DOK5: variants seen among roughly 807,000 people sequenced by gnomAD.
DOK5 encodes downstream of tyrosine kinase 5.
Under a neutral mutation model 43.3 loss-of-function variants are expected in DOK5, and 27 were observed. The observed-to-expected ratio is 0.62, with a 90% CI of 0.46 to 0.86. The LOEUF is 0.86. DOK5 is among the 40% of genes least tolerant of loss of function. The probability of loss-of-function intolerance (pLI) is 0.00; values close to 1 mark genes in which losing one functional copy is unlikely to be tolerated. For missense variants in DOK5, 373 were observed against 392.9 expected (o/e 0.95, Z 0.43); for synonymous variants, 146 against 140.1 (o/e 1.04, Z -0.30).
At chr20:54,580,652 T>C (rs1225876106) in intron 2 of DOK5, among the ~76,000 whole-genome samples, 5 of 152,168 alleles carry the variant, frequency 3.3e-5, no homozygotes. Flanking sequence ...GGTCAGTGTA[T>C]GTCTTCTGTG....
chr20:54,603,940 A>ATTTTTTTTTT (rs35690531), intron 5 of DOK5, among the ~76,000 whole-genome samples: 1 of 76,274 alleles, frequency 1.3e-5, no homozygotes, highest in Non-Finnish European at 2.4e-5. Context: ...TTCAAACTGT[A>ATTTTTTTTTT]TTTTTTTTTT....
At chr20:54,542,869 C>A (rs1441051944) in intron 1 of DOK5, among the ~76,000 whole-genome samples, 1 of 152,068 alleles carries the variant, frequency 6.6e-6, no homozygotes, top group African/African-American at 2.4e-5. Flanking sequence ...TTACTGTTGC[C>A]AAAATCACCC....
chr20:54,509,500 G>T (rs745810850), intron 1 of DOK5, among the ~76,000 whole-genome samples: 4 of 152,196 alleles, frequency 2.6e-5, no homozygotes, highest in South Asian at 2.1e-4. Flanking sequence ...AGTTGGGAAA[G>T]ATTTTAATAT....
At chr20:54,615,233 AAAGAAGGGGCC>A (rs1239209292) in intron 6 of DOK5, among the ~76,000 whole-genome samples, 2 of 152,292 alleles carry the variant, frequency 1.3e-5, no homozygotes, top group South Asian at 4.1e-4. Flanking sequence ...CAAAACTCAT[AAAGAAGGGGCC>A]TGTGGGTCCG....
intron 1 of DOK5, among the ~76,000 whole-genome samples, chr20:54,505,363 A>G (rs1488887456): frequency 6.6e-6 from 1 of 152,136 alleles, no homozygotes; most frequent in Admixed American, 6.5e-5. Context: ...CAGTTGTGGC[A>G]GAGACCCTGT....
At chr20:54,488,765 C>CT (rs1216016374) in intron 1 of DOK5, among the ~76,000 whole-genome samples, 2 of 146,926 alleles carry the variant, frequency 1.4e-5, no homozygotes, top group Admixed American at 6.8e-5. Flanking sequence ...TTCCCTACCC[C>CT]TCCCCTCCCT....
intron 6 of DOK5, among the ~76,000 whole-genome samples, chr20:54,619,325 G>A (rs1387197464): frequency 1.3e-5 from 2 of 151,760 alleles, no homozygotes; most frequent in Non-Finnish European, 2.9e-5. Flanking sequence ...TGGAGAAGCC[G>A]CAGCAAAACT....
chr20:54,527,750 T>C (rs2146702722), intron 1 of DOK5, among the ~76,000 whole-genome samples: 1 of 152,302 alleles, frequency 6.6e-6, no homozygotes, highest in African/African-American at 2.4e-5. Context: ...GATTTAAGGT[T>C]GGTGTATCCT....
At chr20:54,618,342 T>A (rs1986877784) in intron 6 of DOK5, among the ~76,000 whole-genome samples, 1 of 127,914 alleles carries the variant, frequency 7.8e-6, no homozygotes, top group Non-Finnish European at 1.6e-5. Flanking sequence ...TTTTCCCTTT[T>A]TTTTCCCTTT....
intron 2 of DOK5, among the ~76,000 whole-genome samples, chr20:54,563,664 G>GTTTTTTTTTTTTTTTTTTTT (rs76886127): frequency 8.7e-6 from 1 of 114,352 alleles, no homozygotes; most frequent in Non-Finnish European, 1.8e-5. Context: ...TATTTGTCAG[G>GTTTTTTTTTTTTTTTTTTTT]TTTTTTTTTT....
intron 5 of DOK5, among the ~76,000 whole-genome samples, chr20:54,594,308 C>CT (rs888655654): frequency 6.6e-6 from 1 of 152,188 alleles, no homozygotes; most frequent in Non-Finnish European, 1.5e-5. Flanking sequence ...GGGAGGATCA[C>CT]TTGAGCCTGG....
chr20:54,572,026 A>G (rs181248443), intron 2 of DOK5, among the ~76,000 whole-genome samples: 208 of 152,280 alleles, frequency 1.4e-3, no homozygotes, highest in African/African-American at 4.7e-3. Context: ...CTAACTCAGA[A>G]ATGATGGCCT....
chr20:54,620,973 A>G (rs1568815439), intron 6 of DOK5, among the ~76,000 whole-genome samples: 1 of 152,242 alleles, frequency 6.6e-6, no homozygotes, highest in Non-Finnish European at 1.5e-5. Flanking sequence ...ATGATATAAC[A>G]AGAATTACAT....
intron 6 of DOK5, among the ~76,000 whole-genome samples, chr20:54,623,045 T>C (rs1411411752): frequency 1.3e-5 from 2 of 152,126 alleles, no homozygotes; most frequent in African/African-American, 2.4e-5. Flanking sequence ...TGAAGAGTTA[T>C]GCCTGGGGAA....
intron 5 of DOK5, among the ~76,000 whole-genome samples, chr20:54,594,222 G>A (rs1600723615): frequency 6.6e-6 from 1 of 151,896 alleles, no homozygotes; most frequent in Non-Finnish European, 1.5e-5. Flanking sequence ...AAAAATAAAA[G>A]CAAATTAAAT....
At chr20:54,542,051 G>C (rs1217478566) in intron 1 of DOK5, among the ~76,000 whole-genome samples, 1 of 149,464 alleles carries the variant, frequency 6.7e-6, no homozygotes, top group African/African-American at 2.5e-5. Context: ...CACTGTCCTT[G>C]GTTTATTTCC....
chr20:54,477,782 A>G (rs1461030485), intron 1 of DOK5, among the ~76,000 whole-genome samples: 1 of 152,226 alleles, frequency 6.6e-6, no homozygotes, highest in East Asian at 1.9e-4. Flanking sequence ...TGCACAAAAT[A>G]TGAATTATTC....
At chr20:54,481,715 C>T (rs1473151672) in intron 1 of DOK5, among the ~76,000 whole-genome samples, 1 of 152,190 alleles carries the variant, frequency 6.6e-6, no homozygotes, top group Admixed American at 6.5e-5. Flanking sequence ...AAATTAATGA[C>T]CCCATCACTG....
At chr20:54,557,753 A>G (rs1252726273) in intron 2 of DOK5, among the ~76,000 whole-genome samples, 1 of 152,178 alleles carries the variant, frequency 6.6e-6, no homozygotes, top group African/African-American at 2.4e-5. Context: ...TGCGTTGCTC[A>G]AATTGCTCCT....
Sources: allele counts gnomAD v4.1 joint callset (sites outside exome capture counted in the v4.1 genomes callset), GRCh38; gene constraint gnomAD v4.1.1; transcripts MANE v1.5; gene names NCBI Gene and HGNC (gene_info 2026-07-23, HGNC 2026-07-21).